CDYL2: variants seen among roughly 807,000 people sequenced by gnomAD.
CDYL2 encodes the protein chromodomain Y-like protein 2.
CDYL2 carries 23 observed loss-of-function variants against 49.4 expected under a neutral mutation model. The observed-to-expected ratio is 0.47, with a 90% confidence interval of 0.34 to 0.66. The LOEUF is 0.66. Ranked by LOEUF, CDYL2 falls within the 30% of genes least tolerant of loss-of-function variation. CDYL2 has a pLI of 0.01. For synonymous variants in CDYL2, 360 were observed against 268.8 expected (o/e 1.34, Z -3.32); for missense variants, 678 against 656.4 (o/e 1.03, Z -0.36).
chr16:80,804,272 C>CGT lies in CDYL2; in HGVS notation c.-101_-100dup. 4 of 1,096,472 alleles carry CGT rather than the reference C, an allele frequency of 3.6e-6. No individual in the cohort carries two copies. Among genetic ancestry groups the CGT allele is most frequent in the Admixed American group, 3.1e-5 (1 of 32,428 alleles). 67.9% of individuals were successfully genotyped at this position (1,096,472 alleles called of 1,614,324 possible). On this transcript the variant is annotated 5_prime_UTR_variant, in exon 1 of 7. Coordinates refer to ENST00000570137, the MANE Select transcript of CDYL2 (RefSeq NM_152342.4). ...TCCGGTGTGCGCGTGTGTGTGCGCG[C>CGT]GTGTGTGTGCGAGTGTGTGTGGTGT...
intron 1 of CDYL2, 110 bp from the exon 2 acceptor site, chr16:80,685,239 C>A (rs1474052058): frequency 1.2e-6 from 1 of 819,844 alleles, no homozygotes; most frequent in African/African-American, 1.7e-5. Flanking sequence ...TCTACCCTAG[C>A]CAGGGGGTGA....
At chr16:80,605,277 A>C (rs1167119956) in intron 6 of CDYL2, among the ~76,000 whole-genome samples, 1 of 149,926 alleles carries the variant, frequency 6.7e-6, no homozygotes, top group Non-Finnish European at 1.5e-5. Flanking sequence ...TATTATATAC[A>C]TTATATATAC....
intron 2 of CDYL2, among the ~76,000 whole-genome samples, chr16:80,673,410 G>A (rs1909613336): frequency 6.6e-6 from 1 of 152,124 alleles, no homozygotes; most frequent in African/African-American, 2.4e-5. Context: ...TCCACACCAA[G>A]TAGATTATTT....
intron 1 of CDYL2, among the ~76,000 whole-genome samples, chr16:80,765,558 T>G (rs1266127842): frequency 6.6e-6 from 1 of 151,970 alleles, no homozygotes; most frequent in African/African-American, 2.4e-5. Context: ...CTGCAGTTCC[T>G]AGGTATAAAC....
chr16:80,694,018 G>A (rs1024353502), intron 1 of CDYL2, among the ~76,000 whole-genome samples: 2 of 152,194 alleles, frequency 1.3e-5, no homozygotes, highest in Non-Finnish European at 2.9e-5. Context: ...TACAAATACT[G>A]TATTCTAGTT....
intron 1 of CDYL2, among the ~76,000 whole-genome samples, chr16:80,739,912 T>C (rs1201988389): frequency 6.6e-6 from 1 of 152,220 alleles, no homozygotes; most frequent in Non-Finnish European, 1.5e-5. Context: ...GCAGCCCAAG[T>C]CTGTGGAGCA....
rs1906144449 is a variant in CDYL2, at chr16:80,602,698, G to A, written c.*1690C>T. ...GCTGCCTTATTCCACTCTCTTCAAA[G>A]AAGGGCCAAGAAAGGCTGGTGCCCA... On this transcript the variant is annotated 3_prime_UTR_variant, in exon 7 of 7. Coordinates refer to ENST00000570137, the MANE Select transcript of CDYL2 (RefSeq NM_152342.4). 1 of 152,178 alleles carries A rather than the reference G, an allele frequency of 6.6e-6. No homozygotes were observed. 9.4% of individuals were successfully genotyped at this position (152,178 alleles called of 1,614,324 possible). A position where few individuals can be genotyped will look rare whatever the true frequency, so the allele number is the denominator to read the frequency against.
chr16:80,622,696 C>T (rs1042672944), intron 3 of CDYL2, among the ~76,000 whole-genome samples: 4 of 152,150 alleles, frequency 2.6e-5, no homozygotes, highest in Non-Finnish European at 5.9e-5. Context: ...GCTGCTTGCT[C>T]ACCCACCTAG....
At chr16:80,688,134 C>T (rs1395797515) in intron 1 of CDYL2, among the ~76,000 whole-genome samples, 2 of 152,140 alleles carry the variant, frequency 1.3e-5, no homozygotes, top group East Asian at 3.9e-4. Flanking sequence ...TAGTTTTGTT[C>T]CCTCCAAATT....
chr16:80,779,634 A>G (rs1050200660), intron 1 of CDYL2, among the ~76,000 whole-genome samples: 31 of 152,282 alleles, frequency 2.0e-4, no homozygotes, highest in African/African-American at 6.5e-4. Flanking sequence ...ATACTAAAAC[A>G]AAGTGATAAA....
At chr16:80,611,652 A>G (rs1906601872) in intron 5 of CDYL2, among the ~76,000 whole-genome samples, 2 of 152,206 alleles carry the variant, frequency 1.3e-5, no homozygotes, top group African/African-American at 4.8e-5. Flanking sequence ...CTCAAATCCC[A>G]CAACTGGCAC....
chr16:80,620,233 C>A (rs1048911277), intron 4 of CDYL2, among the ~76,000 whole-genome samples: 2 of 152,220 alleles, frequency 1.3e-5, no homozygotes, highest in African/African-American at 2.4e-5. Flanking sequence ...CCGCCAGGAT[C>A]CCAACTTTTG....
intron 1 of CDYL2, among the ~76,000 whole-genome samples, chr16:80,783,998 T>C (rs1227120764): frequency 2.0e-4 from 30 of 152,212 alleles, no homozygotes; most frequent in Admixed American, 2.0e-3. Flanking sequence ...AAGTACTAAA[T>C]GCCATTGAAA....
chr16:80,716,148 T>C (rs763955064), intron 1 of CDYL2, among the ~76,000 whole-genome samples: 15 of 152,264 alleles, frequency 9.9e-5, no homozygotes, highest in Non-Finnish European at 1.5e-4. Flanking sequence ...TCAGTGACTG[T>C]TCACTCCTCA....
intron 1 of CDYL2, among the ~76,000 whole-genome samples, chr16:80,778,937 A>T (rs1239631002): frequency 6.6e-6 from 1 of 152,104 alleles, no homozygotes; most frequent in Non-Finnish European, 1.5e-5. Flanking sequence ...AATCACAGAG[A>T]CCATATCCCT....
At chr16:80,728,912 G>C (rs1461680966) in intron 1 of CDYL2, among the ~76,000 whole-genome samples, 6 of 151,188 alleles carry the variant, frequency 4.0e-5, no homozygotes, top group Admixed American at 2.0e-4. Context: ...GAGAGATTTT[G>C]TCACCACCAG....
At chr16:80,650,027 A>G (rs1908518304) in intron 2 of CDYL2, among the ~76,000 whole-genome samples, 1 of 152,202 alleles carries the variant, frequency 6.6e-6, no homozygotes, top group Non-Finnish European at 1.5e-5. Flanking sequence ...ACAAGAAAAC[A>G]TTGGGGAAAA....
intron 1 of CDYL2, among the ~76,000 whole-genome samples, chr16:80,744,312 T>C (rs1467964749): frequency 2.0e-5 from 3 of 152,066 alleles, no homozygotes; most frequent in Non-Finnish European, 4.4e-5. Context: ...CACCTCCCCA[T>C]TCCCTAAGCA....
intron 2 of CDYL2, among the ~76,000 whole-genome samples, chr16:80,655,780 C>G (rs542766385): frequency 3.3e-5 from 5 of 152,250 alleles, no homozygotes; most frequent in African/African-American, 1.2e-4. Flanking sequence ...GTGGCTGAAA[C>G]GGGCCTTCTC....
Sources: gnomAD v4.1 joint callset for allele counts (sites outside exome capture counted in the v4.1 genomes callset) on GRCh38, gnomAD v4.1.1 for gene constraint, MANE v1.5 for transcripts, NCBI Gene and HGNC (gene_info 2026-07-23, HGNC 2026-07-21) for gene names.